HDAC4: variants seen among roughly 807,000 people sequenced by gnomAD.
HDAC4 encodes histone deacetylase 4, also known as histone deacetylase A.
A neutral mutation model predicts 135.1 loss-of-function variants in HDAC4; 16 were observed. The observed-to-expected ratio is 0.12, with a 90% CI of 0.08 to 0.18. The LOEUF is 0.18. HDAC4 is among the 10% of genes least tolerant of loss of function. HDAC4 has a pLI of 1.00. For synonymous variants in HDAC4, 685 were observed against 653.4 expected, an observed-to-expected ratio of 1.05 and a Z score of -0.74; for missense variants, 1,143 against 1,511.8, an observed-to-expected ratio of 0.76 and a Z score of 4.05.
At chr2:239,354,655 A>C (rs1436512051) in intron 1 of HDAC4, among the ~76,000 whole-genome samples, 1 of 145,940 alleles carries the variant, frequency 6.9e-6, no homozygotes, top group African/African-American at 2.6e-5. Context: ...CCCGCCCCCA[A>C]GGCTGGCTAT....
chr2:239,083,160 A>G (rs1311759464), intron 20 of HDAC4, among the ~76,000 whole-genome samples: 2 of 152,254 alleles, frequency 1.3e-5, no homozygotes, highest in Non-Finnish European at 2.9e-5. Flanking sequence ...TACATGGGCA[A>G]TATCACAGCT....
chr2:239,264,365 A>G (rs115215012), intron 2 of HDAC4, among the ~76,000 whole-genome samples: 301 of 152,372 alleles, frequency 2.0e-3, no homozygotes, highest in African/African-American at 6.4e-3. Flanking sequence ...AAAGAGCGAA[A>G]GACCGTGGGG....
chr2:239,063,208 GT>G (rs1553602518), intron 24 of HDAC4, among the ~76,000 whole-genome samples: 71 of 140,192 alleles, frequency 5.1e-4, no homozygotes, highest in African/African-American at 1.2e-3. Context: ...GTCTTTTTTT[GT>G]TTTTTTTTTT....
chr2:239,364,533 G>T (rs901470514), intron 1 of HDAC4, among the ~76,000 whole-genome samples: 1 of 151,974 alleles, frequency 6.6e-6, no homozygotes, highest in Non-Finnish European at 1.5e-5. Context: ...GGTGGGGGAC[G>T]GCCACTGAAG....
Position 239,167,959 on chromosome 2 carries a change from C to CG in HDAC4, c.491-4037dup, listed in dbSNP as rs1466661976. On this transcript the variant is annotated intron_variant, in intron 5 of 26. Transcript: ENST00000543185. The surrounding 1 kb of genome is among the most constrained non-coding windows in gnomAD (Gnocchi z 4.1). Reference sequence around the variant, plus strand: ...AGGAGGACAGCAGCTCTGGGTGGGGCGGGGCGGGGCAGGTGGGGAGGGACG... The same window carrying CG: ...AGGAGGACAGCAGCTCTGGGTGGGGCGGGGGCGGGGCAGGTGGGGAGGGACG... Among the ~76,000 whole-genome samples the CG allele has an allele frequency of 4.9e-3, 22 of 4,448 alleles. No individual in the cohort carries two copies. The highest frequency in any genetic ancestry group is 0.029 in the African/African-American group (22 of 756). The allele number at this position is 4,448 out of a possible 152,430, so 2.9% of individuals were successfully genotyped here. A position where few individuals can be genotyped will look rare whatever the true frequency, so the allele number is the denominator to read the frequency against.
At chr2:239,246,914 C>A (rs1011192197) in intron 2 of HDAC4, among the ~76,000 whole-genome samples, 6 of 152,244 alleles carry the variant, frequency 3.9e-5, no homozygotes. Context: ...TGCTGTACAG[C>A]GCTGGGAGCG....
chr2:239,153,123 A>C (rs1268082765), intron 7 of HDAC4, among the ~76,000 whole-genome samples: 2 of 152,214 alleles, frequency 1.3e-5, no homozygotes, highest in Admixed American at 1.3e-4. Flanking sequence ...AATAGGAGTC[A>C]CTGCATTGCT....
intron 2 of HDAC4, among the ~76,000 whole-genome samples, chr2:239,261,216 T>C (rs912481880): frequency 4.6e-5 from 7 of 151,850 alleles, no homozygotes; most frequent in Admixed American, 3.9e-4. Flanking sequence ...AAACAGAAAA[T>C]CAAGAAACGT....
Position 239,157,575 on chromosome 2 carries a change from C to T in HDAC4, c.612-802G>A, listed in dbSNP as rs971378224. Among the ~76,000 whole-genome samples, 9 of 152,312 alleles carry T rather than the reference C, an allele frequency of 5.9e-5. No homozygotes were observed. In the East Asian group the frequency reaches 1.5e-3, roughly 26 times the overall value. On this transcript the variant is annotated intron_variant, in intron 6 of 26. Transcript: ENST00000543185. ...GCCACCCGGATGACCATCAGCAAGG[C>T]CTTTTTTGACGGCACTGACAGCTCA...
At chr2:239,316,543 G>A (rs1219957198) in intron 2 of HDAC4, among the ~76,000 whole-genome samples, 25 of 152,218 alleles carry the variant, frequency 1.6e-4, no homozygotes, top group Admixed American at 1.2e-3. Context: ...ACGAGGTGGA[G>A]GCTGTAGTGA....
chr2:239,056,707 A>T (rs2031907671), intron 24 of HDAC4, among the ~76,000 whole-genome samples: 1 of 152,214 alleles, frequency 6.6e-6, no homozygotes, highest in Non-Finnish European at 1.5e-5. Context: ...CTGAGTGTGC[A>T]CTGCACTGTG....
At chr2:239,173,011 A>G (rs1225287557) in intron 5 of HDAC4, among the ~76,000 whole-genome samples, 2 of 152,236 alleles carry the variant, frequency 1.3e-5, no homozygotes, top group African/African-American at 2.4e-5. Flanking sequence ...TAAGTAATCA[A>G]AAACCTTTGC....
At position 239,081,207 on chromosome 2, in the gene HDAC4, A is replaced by G; in HGVS notation, c.2653-15T>C. The G allele has an allele frequency of 6.2e-7, 1 of 1,606,190 alleles. No individual in the cohort carries two copies. The highest frequency in any genetic ancestry group is 8.5e-7 in the Non-Finnish European group (1 of 1,174,816). ...CCTGTGCCCACCTGTGGCCAGAAGG[A>G]GAGAAACACACGTCATGGACCCCGA... On this transcript the variant is annotated splice_polypyrimidine_tract_variant and intron_variant, in intron 21 of 26. Coordinates refer to ENST00000543185, the MANE Select transcript of HDAC4 (RefSeq NM_001378414.1).
intron 2 of HDAC4, among the ~76,000 whole-genome samples, chr2:239,250,957 G>A (rs552262075): frequency 3.4e-4 from 51 of 152,226 alleles, no homozygotes; most frequent in African/African-American, 8.2e-4. Context: ...CCCGCCACAC[G>A]CCTGGTTCAC....
At chr2:239,097,931 GAC>G (rs2037264118) in intron 16 of HDAC4, among the ~76,000 whole-genome samples, 1 of 152,182 alleles carries the variant, frequency 6.6e-6, no homozygotes, top group Non-Finnish European at 1.5e-5. Flanking sequence ...GCACGGGAAA[GAC>G]ACTGCCAGAA....
At chr2:239,076,219 C>T (rs970519092) in intron 22 of HDAC4, among the ~76,000 whole-genome samples, 2 of 152,070 alleles carry the variant, frequency 1.3e-5, no homozygotes, top group Non-Finnish European at 2.9e-5. Flanking sequence ...GTGTTGGCCA[C>T]GCCCCTCGGC....
intron 11 of HDAC4, among the ~76,000 whole-genome samples, chr2:239,131,440 G>A (rs934142243): frequency 1.6e-4 from 25 of 152,230 alleles, no homozygotes; most frequent in African/African-American, 6.0e-4. Flanking sequence ...GTCAAAAACT[G>A]CAGGAAAGGG....
rs773091590 is a variant in HDAC4, at chr2:239,141,364, T to C, written c.866-1568A>G. 8.5e-5 allele frequency among the ~76,000 whole-genome samples: 13 copies of C among 152,284 alleles called. No homozygotes were observed. Among genetic ancestry groups the C allele is most frequent in the Admixed American group, 6.5e-4 (10 of 15,302 alleles). ...TCAAAAGAGTGTGGGGTCAGCTCACTGTCCTGGGCATTGAGCATGAATACA... is the reference window on the plus strand; with the variant it reads ...TCAAAAGAGTGTGGGGTCAGCTCACCGTCCTGGGCATTGAGCATGAATACA... On this transcript the variant is annotated intron_variant, in intron 8 of 26. Transcript: ENST00000543185. This position sits in a 1 kb window ranked among gnomAD's most constrained non-coding sequence, Gnocchi z 4.9.
intron 12 of HDAC4, among the ~76,000 whole-genome samples, chr2:239,118,975 G>A (rs1479362017): frequency 1.3e-5 from 2 of 152,194 alleles, no homozygotes; most frequent in Non-Finnish European, 1.5e-5. Flanking sequence ...TGGCGGTACC[G>A]CTGTCGCTGT....
Sources: gnomAD v4.1 joint callset for allele counts (sites outside exome capture counted in the v4.1 genomes callset) on GRCh38, gnomAD v4.1.1 for gene constraint, Gnocchi (gnomAD v3.1) non-coding constraint, MANE v1.5 for transcripts, NCBI Gene and HGNC (gene_info 2026-07-23, HGNC 2026-07-21) for gene names.